COPS9: variants seen among roughly 807,000 people sequenced by gnomAD.
COPS9 encodes the protein COP9 signalosome complex subunit 9.
A neutral mutation model predicts 7.2 loss-of-function variants in COPS9; 8 were observed. That is an observed-to-expected ratio of 1.11 (90% CI 0.65 to 2.00). The LOEUF (loss-of-function observed/expected upper bound fraction) is 2.00. Ranked by LOEUF, COPS9 falls within the 30% of genes most tolerant of loss-of-function variation. The pLI is 0.00. For missense variants in COPS9, 74 were observed against 77.7 expected (o/e 0.95, Z 0.18); for synonymous variants, 39 against 28.7 (o/e 1.36, Z -1.14).
intron 2 of COPS9, among the ~76,000 whole-genome samples, chr2:240,131,754 C>A (rs1280462445): frequency 6.6e-6 from 1 of 152,208 alleles, no homozygotes; most frequent in Admixed American, 6.5e-5. Flanking sequence ...CTACTACAGG[C>A]AATCATCACT....
downstream of COPS9, chr2:240,126,837 T>G (rs1423392120): frequency 6.2e-7 from 1 of 1,614,232 alleles, no homozygotes; most frequent in Admixed American, 1.7e-5. Context: ...CAGCGGATGT[T>G]CTCTGCATCT....
intron 1 of COPS9, chr2:240,134,211 C>T (rs546254903): frequency 4.1e-5 from 23 of 563,654 alleles, no homozygotes; most frequent in Non-Finnish European, 6.9e-5. Context: ...TAAGGTCTCT[C>T]AAGGGCTTCT....
rs1304292030 is a variant in COPS9 at position 240,132,719 on chromosome 2, C to T, written c.136+1214G>A. On this transcript the variant is annotated intron_variant, in intron 2 of 2. Coordinates refer to ENST00000607357, the MANE Select transcript of COPS9 (RefSeq NM_001163424.2). This position sits in a 1 kb window ranked among gnomAD's most constrained non-coding sequence, Gnocchi z 4.1. Reference sequence around the variant, plus strand: ...ATCATCAAAATGCAAGCGTGTGGTGCCAGCATTAGCAACTGCCCAATCCTG... The same window carrying T: ...ATCATCAAAATGCAAGCGTGTGGTGTCAGCATTAGCAACTGCCCAATCCTG... Among the ~76,000 whole-genome samples the T allele has an allele frequency of 6.6e-6, 1 of 152,164 alleles. No individual in the cohort carries two copies. The highest frequency in any genetic ancestry group is 1.5e-5 in the Non-Finnish European group (1 of 68,026).
intron 2 of COPS9, among the ~76,000 whole-genome samples, chr2:240,133,099 C>T (rs2071938095): frequency 6.6e-6 from 1 of 152,174 alleles, no homozygotes; most frequent in Admixed American, 6.5e-5. Context: ...GGCAGGGGGT[C>T]TCTGGTAAAT....
At chr2:240,135,001 TAGGA>T (rs1249446766) in intron 1 of COPS9, among the ~76,000 whole-genome samples, 1 of 21,230 alleles carries the variant, frequency 4.7e-5, no homozygotes, top group East Asian at 2.7e-3. Flanking sequence ...CTGTGAAGCC[TAGGA>T]CTGTAAAACA....
At chr2:240,126,868 C>G (rs753739153), downstream of COPS9, 39 of 1,613,750 alleles carry the variant, frequency 2.4e-5, no homozygotes, top group Non-Finnish European at 3.3e-5. Context: ...AGCGCCTCCG[C>G]CCCCTGCCCA....
intron 1 of COPS9, among the ~76,000 whole-genome samples, chr2:240,135,159 G>C (rs188957103): frequency 6.6e-6 from 1 of 152,018 alleles, no homozygotes; most frequent in East Asian, 1.9e-4. Flanking sequence ...GGCACTGCAC[G>C]CTCAACCATG....
chr2:240,136,199 G>A, intron 1 of COPS9, 23 bp downstream of exon 1: 1 of 1,509,260 alleles, frequency 6.6e-7, no homozygotes, highest in Non-Finnish European at 8.8e-7. Context: ...CACGCTCGGA[G>A]ACTCCCGCCG....
At chr2:240,131,419 A>G (rs948913642) in intron 2 of COPS9, among the ~76,000 whole-genome samples, 4 of 152,192 alleles carry the variant, frequency 2.6e-5, no homozygotes, top group African/African-American at 4.8e-5. Context: ...GTCTGCACCC[A>G]CGAGTGCACG....
chr2:240,130,672 A>G (rs551067465), downstream of COPS9, among the ~76,000 whole-genome samples: 2 of 152,380 alleles, frequency 1.3e-5, no homozygotes, highest in African/African-American at 4.8e-5. Flanking sequence ...GCTCCAGCAC[A>G]TACAGCACCT....
chr2:240,127,740 A>G (rs1449469686), downstream of COPS9, among the ~76,000 whole-genome samples: 1 of 152,160 alleles, frequency 6.6e-6, no homozygotes, highest in Non-Finnish European at 1.5e-5. Context: ...CTTCTCTCCA[A>G]AAGATCCCAG....
At position 240,135,329 on chromosome 2, in the gene COPS9, GC is replaced by G. The variant is rs372549411; in HGVS notation, c.63+892del. ...GACTCCTCAGCTGTACCTTTGCTGA[GC>G]CCCCTCAAAGCCCTGAGGGTCCATC... On this transcript the variant is annotated intron_variant, in intron 1 of 2. Transcript: ENST00000607357. Among the ~76,000 whole-genome samples, 395 of 152,202 alleles carry G rather than the reference GC, an allele frequency of 2.6e-3. 3 individuals carry two copies. Among genetic ancestry groups the G allele is most frequent in the African/African-American group, 9.1e-3 (378 of 41,516 alleles).
downstream of COPS9, chr2:240,130,102 G>C: frequency 8.2e-7 from 1 of 1,214,000 alleles, no homozygotes; most frequent in East Asian, 2.5e-5. Flanking sequence ...ATGAGAAAAA[G>C]AGGCAGAGCT....
chr2:240,129,993 G>C, downstream of COPS9: 1 of 1,613,946 alleles, frequency 6.2e-7, no homozygotes, highest in Non-Finnish European at 8.5e-7. Flanking sequence ...GGGAACCATG[G>C]AGGACTGCTG....
chr2:240,135,462 C>A lies in COPS9; in HGVS notation c.63+760G>T, dbSNP rs145118450. Among the ~76,000 whole-genome samples, 1,169 of 152,302 alleles carry A rather than the reference C, an allele frequency of 7.7e-3. 71 individuals carry two copies. Among genetic ancestry groups the A allele is most frequent in the Admixed American group, 0.073 (1,115 of 15,300 alleles). On this transcript the variant is annotated intron_variant, in intron 1 of 2. Transcript: ENST00000607357. ...GGGCTGCCTCTGACCACCTCTGCAG[C>A]CCCTAAGCTTTGAGAAAGAGCACAT...
downstream of COPS9, among the ~76,000 whole-genome samples, chr2:240,129,314 C>T (rs534930525): frequency 3.5e-4 from 54 of 152,334 alleles, no homozygotes; most frequent in Non-Finnish European, 1.6e-4. Flanking sequence ...AGGCACGTGC[C>T]ACCATGCTCA....
In COPS9 at chr2:240,131,085, A is replaced by T; in HGVS notation, c.140T>A (p.Phe47Tyr). The T allele has an allele frequency of 6.2e-7, 1 of 1,612,602 alleles. No individual in the cohort carries two copies. The highest frequency in any genetic ancestry group is 8.5e-7 in the Non-Finnish European group (1 of 1,179,494). Residue 47 changes from phenylalanine (F) to tyrosine (Y), a missense_variant, in exon 3 of 3, where the codon TTT becomes TAT. Coordinates refer to ENST00000607357, the MANE Select transcript of COPS9 (RefSeq NM_001163424.2). The stretch of plus-strand genomic sequence containing the variant: ...GTCATCATCATCAAAAAGATCTTCA[A>T]AATCTAGGGAAATAAGCAAAACCAC... ...KAVHADFFND[F>Y]EDLFDDDDIQ
downstream of COPS9, among the ~76,000 whole-genome samples, chr2:240,127,217 G>A (rs988042491): frequency 3.9e-5 from 6 of 152,164 alleles, no homozygotes; most frequent in East Asian, 7.7e-4. Flanking sequence ...TTTCCCACAG[G>A]AGCTCGCTGA....
downstream of COPS9, among the ~76,000 whole-genome samples, chr2:240,128,725 C>T (rs1449594592): frequency 1.3e-5 from 2 of 152,144 alleles, no homozygotes; most frequent in South Asian, 2.1e-4. Context: ...TGGCTGGGCC[C>T]GTCAGCTGCA....
Sources: gnomAD v4.1 joint callset for allele counts (sites outside exome capture counted in the v4.1 genomes callset) on GRCh38, gnomAD v4.1.1 for gene constraint, Gnocchi (gnomAD v3.1) non-coding constraint, MANE v1.5 for transcripts, NCBI Gene and HGNC (gene_info 2026-07-23, HGNC 2026-07-21) for gene names.